MYO3B: variants seen among roughly 807,000 people sequenced by gnomAD.
MYO3B encodes the protein myosin IIIB.
In MYO3B, 156 loss-of-function variants were observed where a neutral mutation model predicts 174.6. The observed-to-expected ratio is 0.89, with a 90% confidence interval of 0.78 to 1.02. The LOEUF is 1.02. Ranked by LOEUF, MYO3B falls within the 50% of genes least tolerant of loss-of-function variation. The pLI, the probability that MYO3B is intolerant of heterozygous loss-of-function variation, is 0.00. For synonymous variants in MYO3B, 563 were observed against 569.1 expected (o/e 0.99, Z 0.15); for missense variants, 1,632 against 1,639.4 (o/e 1.00, Z 0.08).
intron 32 of MYO3B, chr2:170,648,043 C>T (rs1313849326): frequency 6.6e-6 from 1 of 152,224 alleles, no homozygotes; most frequent in African/African-American, 2.4e-5. Flanking sequence ...GCAGCCGGAC[C>T]TAAGGACACT....
intron 22 of MYO3B, among the ~76,000 whole-genome samples, chr2:170,422,622 C>A (rs532004297): frequency 6.6e-6 from 1 of 151,974 alleles, no homozygotes; most frequent in African/African-American, 2.4e-5. Context: ...CCTTGCCCAG[C>A]TGATTTTTGT....
Position 170,426,496 on chromosome 2 carries a change from C to T in MYO3B, c.2651-17471C>T, listed in dbSNP as rs979782681. On this transcript the variant is annotated intron_variant, in intron 22 of 34. Transcript: ENST00000408978. ...GACTACAGGCACCCACCACCATGCCCGGATGATTTTTTTGTATTTTTAGTA... is the reference window on the plus strand; with the variant it reads ...GACTACAGGCACCCACCACCATGCCTGGATGATTTTTTTGTATTTTTAGTA... Among the ~76,000 whole-genome samples the T allele has an allele frequency of 1.2e-3, 187 of 150,784 alleles. 4 individuals carry two copies. Among genetic ancestry groups the T allele is most frequent in the Admixed American group, 0.012 (187 of 15,144 alleles).
chr2:170,468,211 G>A (rs1684763855), intron 25 of MYO3B, among the ~76,000 whole-genome samples: 1 of 152,166 alleles, frequency 6.6e-6, no homozygotes, highest in East Asian at 1.9e-4. Flanking sequence ...CTCCCTTGAT[G>A]TTATTCAACA....
chr2:170,499,941 T>TCTC, intron 27 of MYO3B, 133 bp downstream of exon 27: 1 of 676,166 alleles, frequency 1.5e-6, no homozygotes, highest in Non-Finnish European at 2.4e-6. Flanking sequence ...CTCCCTTCCT[T>TCTC]CCTTCCTTCT....
chr2:170,480,746 A>G (rs1035171873), intron 25 of MYO3B, among the ~76,000 whole-genome samples: 1 of 152,204 alleles, frequency 6.6e-6, no homozygotes, highest in African/African-American at 2.4e-5. Context: ...TATCTGCTGC[A>G]GAATTAACTG....
chr2:170,524,702 T>C (rs1056774126), intron 30 of MYO3B: 13 of 320,422 alleles, frequency 4.1e-5, no homozygotes, highest in South Asian at 1.4e-4. Context: ...CAGGCTGATC[T>C]CGAACTCCTG....
At chr2:170,651,802 AC>A in intron 33 of MYO3B, 68 bp downstream of exon 33, 1 of 1,369,974 alleles carries the variant, frequency 7.3e-7, no homozygotes, top group East Asian at 2.3e-5. Context: ...TGTTATTACT[AC>A]CTGTTCCAGC....
At chr2:170,512,888 A>C (rs1341187909) in intron 28 of MYO3B, among the ~76,000 whole-genome samples, 1 of 152,206 alleles carries the variant, frequency 6.6e-6, no homozygotes, top group Non-Finnish European at 1.5e-5. Context: ...TGGGCAAGTC[A>C]TTTAACCTCC....
At chr2:170,232,094 C>T (rs2093021561) in intron 6 of MYO3B, among the ~76,000 whole-genome samples, 1 of 152,156 alleles carries the variant, frequency 6.6e-6, no homozygotes, top group Admixed American at 6.5e-5. Flanking sequence ...CGTCAGTCTC[C>T]TTTCTTAATG....
At position 170,404,320 on chromosome 2, in the gene MYO3B, T is replaced by C. The variant is rs1481576062; in HGVS notation, c.2351T>C (p.Phe784Ser). ...YEDNRPLLDM[F>S]LQKPLGLLAL... ...GACAACCGCCCGCTCTTGGACATGTTCCTCCAGAAACCCCTGGGACTGCTT... is the reference window on the plus strand; with the variant it reads ...GACAACCGCCCGCTCTTGGACATGTCCCTCCAGAAACCCCTGGGACTGCTT... The change falls in exon 20 of 35, where the codon TTC becomes TCC. Residue 784 changes from phenylalanine (F) to serine (S), a missense_variant. Transcript: ENST00000408978. 1 of 1,613,814 alleles carries C rather than the reference T, an allele frequency of 6.2e-7. No individual in the cohort carries two copies. Among genetic ancestry groups the C allele is most frequent in the African/African-American group, 1.3e-5 (1 of 74,892 alleles).
chr2:170,382,070 C>T lies in MYO3B; in HGVS notation c.1026C>T (p.Tyr342=), dbSNP rs748756718. 9 of 1,613,596 alleles carry T rather than the reference C, an allele frequency of 5.6e-6. No homozygotes were observed. The highest frequency in any genetic ancestry group is 5.1e-6 in the Non-Finnish European group (6 of 1,179,666). ...RPYHVEDAEK[Y]CLEDDLVNLE... ...ATCATGTGGAAGATGCTGAAAAATACTGCCTTGAGGATGATTTGGTCAACC... is the reference window on the plus strand; with the variant it reads ...ATCATGTGGAAGATGCTGAAAAATATTGCCTTGAGGATGATTTGGTCAACC... The change falls in exon 10 of 35, where the codon TAC becomes TAT. Residue 342 remains tyrosine (Y), a synonymous_variant. Coordinates refer to ENST00000408978, the MANE Select transcript of MYO3B (RefSeq NM_138995.5).
At position 170,236,279 on chromosome 2, in the gene MYO3B, G is replaced by A. The variant is rs529936235; in HGVS notation, c.749+143G>A. The stretch of plus-strand genomic sequence containing the variant: ...ATATATTTTCTTTGAAAAAGCAAGG[G>A]GGGCTGGGGGGGACAGAGAAGAGGA... On this transcript the variant is annotated intron_variant, in intron 7 of 34. Coordinates refer to ENST00000408978, the MANE Select transcript of MYO3B (RefSeq NM_138995.5). The A allele has an allele frequency of 3.2e-4, 316 of 978,596 alleles. 1 individual carries two copies. The highest frequency in any genetic ancestry group is 2.8e-3 in the East Asian group (106 of 38,542). The allele number at this position is 978,596 out of a possible 1,614,324, so 60.6% of individuals were successfully genotyped here.
intron 7 of MYO3B, among the ~76,000 whole-genome samples, chr2:170,250,458 G>A (rs955643194): frequency 6.6e-6 from 1 of 152,204 alleles, no homozygotes; most frequent in Non-Finnish European, 1.5e-5. Context: ...GGACGTGACA[G>A]GGGTGTGGCT....
At chr2:170,354,561 T>C (rs925449545) in intron 8 of MYO3B, among the ~76,000 whole-genome samples, 34 of 152,276 alleles carry the variant, frequency 2.2e-4, no homozygotes, top group African/African-American at 8.2e-4. Context: ...CAGAAACCCA[T>C]GCATAGAGTT....
At chr2:170,301,642 G>T (rs147601811) in intron 7 of MYO3B, among the ~76,000 whole-genome samples, 142 of 152,242 alleles carry the variant, frequency 9.3e-4, no homozygotes, top group African/African-American at 3.2e-3. Flanking sequence ...ACAATGGCTG[G>T]GAGTAGATGG....
rs1266845437 is a variant in MYO3B, at chr2:170,648,695, T to G, written c.3734-2933T>G. Among the ~76,000 whole-genome samples the G allele has an allele frequency of 6.0e-4, 75 of 125,748 alleles. 1 individual carries two copies. Among genetic ancestry groups the G allele is most frequent in the Non-Finnish European group, 6.2e-4 (40 of 64,378 alleles). 82.5% of individuals were successfully genotyped at this position (125,748 alleles called of 152,430 possible). ...TATATAATATATATTATATTCTATA[T>G]AATATATATTATATTCTATATAATA... is the stretch of plus-strand genomic sequence containing the variant. On this transcript the variant is annotated intron_variant, in intron 32 of 34. Coordinates refer to ENST00000408978, the MANE Select transcript of MYO3B (RefSeq NM_138995.5).
At chr2:170,384,845 A>C (rs2094362089) in intron 12 of MYO3B, among the ~76,000 whole-genome samples, 1 of 152,164 alleles carries the variant, frequency 6.6e-6, no homozygotes, top group African/African-American at 2.4e-5. Context: ...CACTACCTGG[A>C]GTTAGCACAG....
chr2:170,274,731 T>C (rs11899079), intron 7 of MYO3B, among the ~76,000 whole-genome samples: 151,333 of 152,278 alleles, frequency 0.99, 75,202 homozygotes, highest in East Asian at 1. Context: ...AACTCTACAT[T>C]GAAAAAGGTG....
Position 170,391,507 on chromosome 2 carries a change from CT to C in MYO3B, c.1578-4del, listed in dbSNP as rs745937173. On this transcript the variant is annotated splice_polypyrimidine_tract_variant and intron_variant, in intron 14 of 34. Transcript: ENST00000408978. ...CCAGAATATATTATTACTAAAGTCT[CT>C]TTTTTTTTCAGGAGAGAGAAAAATT... is the stretch of plus-strand genomic sequence containing the variant. 1.4e-4 allele frequency: 170 copies of C among 1,256,306 alleles called. 1 individual carries two copies. Among genetic ancestry groups the C allele is most frequent in the South Asian group, 3.7e-4 (25 of 68,102 alleles). The allele number at this position is 1,256,306 out of a possible 1,614,324, so 77.8% of individuals were successfully genotyped here.
Sources: gnomAD v4.1 joint callset for allele counts (sites outside exome capture counted in the v4.1 genomes callset) on GRCh38, gnomAD v4.1.1 for gene constraint, MANE v1.5 for transcripts, NCBI Gene and HGNC (gene_info 2026-07-23, HGNC 2026-07-21) for gene names.